Variants in SLAMF1 observed in about 807,000 individuals in gnomAD.
SLAMF1 encodes signaling lymphocytic activation molecule family member 1.
Under a neutral mutation model 35.1 loss-of-function variants are expected in SLAMF1, and 18 were observed. The ratio of observed to expected loss-of-function variants is 0.51; its 90% CI spans 0.35 to 0.76. The LOEUF (loss-of-function observed/expected upper bound fraction) is 0.76, where lower values mean the gene tolerates loss of function less well. SLAMF1 is among the 30% of genes least tolerant of loss of function. SLAMF1 has a pLI of 0.01. For synonymous variants in SLAMF1, 168 were observed against 157.2 expected (o/e 1.07, Z -0.51); for missense variants, 392 against 413.0 (o/e 0.95, Z 0.44).
In SLAMF1 at chr1:160,637,209, G is replaced by C. The variant is rs745390545; in HGVS notation, c.397C>G (p.Leu133Val). 1 of 1,613,926 alleles carries C rather than the reference G, an allele frequency of 6.2e-7. No individual in the cohort carries two copies. The highest frequency in any genetic ancestry group is 1.7e-5 in the Admixed American group (1 of 60,018). Reference protein sequence around the residue: ...EKNVSVQRFCLQLRLYEQVST... With the variant: ...EKNVSVQRFCVQLRLYEQVST... Reference sequence around the variant, plus strand: ...TTATTACCATAAAGCCTCAACTGCAGGCAAAAGCGCTGAACTGAAACATTT... The same window carrying C: ...TTATTACCATAAAGCCTCAACTGCACGCAAAAGCGCTGAACTGAAACATTT... The change falls in exon 2 of 7, where the codon CTG becomes GTG. Residue 133 changes from leucine to valine, a missense_variant. By Grantham distance (32) the Leu-to-Val change is conservative (BLOSUM62 1). Transcript: ENST00000302035.
rs185267080 is a variant in SLAMF1, at chr1:160,625,480, T to A, written c.701-1295A>T. ...AATTCATAAAATGCAGCCTACAAGA[T>A]CCAAAGGGGCCTCCAGCCTGATAGC... On this transcript the variant is annotated intron_variant, in intron 3 of 6. Transcript: ENST00000302035. Among the ~76,000 whole-genome samples, 238 of 152,272 alleles carry A rather than the reference T, an allele frequency of 1.6e-3. 2 individuals carry two copies. The highest frequency in any genetic ancestry group is 5.4e-3 in the African/African-American group (223 of 41,552).
At chr1:160,634,469 C>T (rs1042009020) in intron 3 of SLAMF1, 144 bp downstream of exon 3, 40 of 1,399,446 alleles carry the variant, frequency 2.9e-5, no homozygotes, top group Non-Finnish European at 3.5e-5. Flanking sequence ...TCACTAAATG[C>T]ACATGGTAAA....
chr1:160,623,215 C>T, intron 4 of SLAMF1, among the ~76,000 whole-genome samples: 1 of 152,122 alleles, frequency 6.6e-6, no homozygotes, highest in East Asian at 1.9e-4. Flanking sequence ...TCACTATTTC[C>T]TTATAGTATG....
chr1:160,630,947 C>G (rs1218876494), intron 3 of SLAMF1, among the ~76,000 whole-genome samples: 1 of 152,058 alleles, frequency 6.6e-6, no homozygotes, highest in African/African-American at 2.4e-5. Flanking sequence ...CTCTCTAATC[C>G]CCCGAGACAG....
chr1:160,640,533 A>G (rs938033465), intron 1 of SLAMF1, among the ~76,000 whole-genome samples: 3 of 151,892 alleles, frequency 2.0e-5, no homozygotes, highest in African/African-American at 7.3e-5. Flanking sequence ...GTAAAATAGA[A>G]CCATCAGCTT....
rs80261622 is a variant in SLAMF1 at position 160,612,529 on chromosome 1, T to C, written c.916A>G (p.Ile306Val). 6.5e-4 allele frequency: 1,042 copies of C among 1,613,110 alleles called. 9 individuals carry two copies. In the African/African-American group the frequency reaches 0.012, roughly 19 times the overall value. ...SFPAQDPCTT[I>V]YVAATEPVPE... Reference sequence around the variant, plus strand: ...ACAGGCTCTGTGGCAGCAACATATATGGTGGTGCAAGGGTCCTGAGCTGGG... The same window carrying C: ...ACAGGCTCTGTGGCAGCAACATATACGGTGGTGCAAGGGTCCTGAGCTGGG... Residue 306 changes from isoleucine (I) to valine (V), a missense_variant, in exon 6 of 7, where the codon ATA (isoleucine) becomes GTA (valine). Coordinates refer to ENST00000302035, the MANE Select transcript of SLAMF1 (RefSeq NM_003037.5).
chr1:160,622,192 C>T (rs975562043), intron 4 of SLAMF1, among the ~76,000 whole-genome samples: 2 of 152,128 alleles, frequency 1.3e-5, no homozygotes, highest in East Asian at 3.8e-4. Flanking sequence ...TTATTTTCCC[C>T]AGTGCAAGAA....
At chr1:160,624,961 T>C (rs1035656711) in intron 3 of SLAMF1, among the ~76,000 whole-genome samples, 8 of 152,218 alleles carry the variant, frequency 5.3e-5, no homozygotes, top group African/African-American at 1.9e-4. Context: ...GCACTTGCAA[T>C]GGGCCACATA....
intron 4 of SLAMF1, among the ~76,000 whole-genome samples, chr1:160,623,283 G>T (rs1287587369): frequency 2.6e-5 from 4 of 152,110 alleles, no homozygotes; most frequent in Admixed American, 6.6e-5. Context: ...ATTTCTATCT[G>T]AATCACCCAT....
At position 160,640,387 on chromosome 1, in the gene SLAMF1, T is replaced by TAC. The variant is rs1193240229; in HGVS notation, c.77-2860_77-2859dup. On this transcript the variant is annotated intron_variant, in intron 1 of 6. Transcript: ENST00000302035. ...ACACACACACACACATATATATATATACACACACACATACATATATATATA... is the reference window on the plus strand; with the variant it reads ...ACACACACACACACATATATATATATACACACACACACATACATATATATATA... 1.1e-4 allele frequency among the ~76,000 whole-genome samples: 16 copies of TAC among 144,556 alleles called. No homozygotes were observed. The East Asian group carries it at 1.6e-3, about 15-fold the overall frequency. 94.8% of individuals were successfully genotyped at this position (144,556 alleles called of 152,430 possible).
chr1:160,624,153 A>AC lies in SLAMF1; in HGVS notation c.732dup (p.Leu245ValfsTer21). 2 of 1,610,846 alleles carry AC rather than the reference A, an allele frequency of 1.2e-6. No individual in the cohort carries two copies. The highest frequency in any genetic ancestry group is 1.7e-6 in the Non-Finnish European group (2 of 1,178,320). On this transcript the variant is annotated frameshift_variant, in exon 4 of 7. Transcript: ENST00000302035. LOFTEE classifies it high-confidence loss of function. Reference sequence around the variant, plus strand: ...ATGAGAATCATGATGACACCCCCTAACAGCCCAGCATACACTGCCCATGGT... The same window carrying AC: ...ATGAGAATCATGATGACACCCCCTAACCAGCCCAGCATACACTGCCCATGGT...
chr1:160,646,807 G>T, intron 1 of SLAMF1, 63 bp downstream of exon 1: 2 of 902,730 alleles, frequency 2.2e-6, no homozygotes, highest in Non-Finnish European at 3.7e-6. Context: ...CTCCATCCAC[G>T]AAGATACGCT....
chr1:160,641,351 G>A (rs1673168809), intron 1 of SLAMF1, among the ~76,000 whole-genome samples: 2 of 152,038 alleles, frequency 1.3e-5, no homozygotes, highest in South Asian at 4.2e-4. Context: ...TGGCTCCCAT[G>A]CACTCCTTCC....
chr1:160,610,296 T>G lies in SLAMF1; in HGVS notation c.*452A>C, dbSNP rs766766145. On this transcript the variant is annotated 3_prime_UTR_variant, in exon 7 of 7. Coordinates refer to ENST00000302035, the MANE Select transcript of SLAMF1 (RefSeq NM_003037.5). ...GCTTGATCAGGTCTGCAGGTTATCA[T>G]GATCAGCTCCCAGAACAAAGTAAAG... 2.2e-6 allele frequency: 1 copy of G among 456,984 alleles called. No individual in the cohort carries two copies. The highest frequency in any genetic ancestry group is 4.4e-6 in the Non-Finnish European group (1 of 227,120). 28.3% of individuals were successfully genotyped at this position (456,984 alleles called of 1,614,324 possible).
intron 2 of SLAMF1, among the ~76,000 whole-genome samples, chr1:160,636,639 G>A (rs554642459): frequency 8.5e-5 from 13 of 152,352 alleles, no homozygotes; most frequent in African/African-American, 2.6e-4. Context: ...ATGCCAAAAG[G>A]CACTTCTTCC....
At chr1:160,628,876 G>A (rs1660017782) in intron 3 of SLAMF1, among the ~76,000 whole-genome samples, 1 of 152,182 alleles carries the variant, frequency 6.6e-6, no homozygotes, top group South Asian at 2.1e-4. Context: ...TGTGCCATCG[G>A]CGCTTCACCT....
At chr1:160,635,362 T>C (rs933993308) in intron 2 of SLAMF1, among the ~76,000 whole-genome samples, 5 of 152,110 alleles carry the variant, frequency 3.3e-5, no homozygotes, top group African/African-American at 9.7e-5. Flanking sequence ...CGCGCGCGCA[T>C]GTACACGGGC....
intron 6 of SLAMF1, 104 bp from the exon 7 acceptor site, chr1:160,610,902 C>A: frequency 1.1e-6 from 1 of 924,862 alleles, no homozygotes; most frequent in South Asian, 1.4e-5. Flanking sequence ...TCTTAGAGAT[C>A]ATGGCTTGTG....
intron 1 of SLAMF1, among the ~76,000 whole-genome samples, chr1:160,639,858 C>T (rs547054897): frequency 6.0e-4 from 91 of 152,244 alleles, no homozygotes; most frequent in African/African-American, 2.1e-3. Flanking sequence ...CTCCTCTTTG[C>T]TCACTGTGCT....
Sources: allele counts gnomAD v4.1 joint callset (sites outside exome capture counted in the v4.1 genomes callset), GRCh38; gene constraint gnomAD v4.1.1; transcripts MANE v1.5; gene names NCBI Gene and HGNC (gene_info 2026-07-23, HGNC 2026-07-21).